Variants in TTLL4 observed in about 807,000 individuals in gnomAD.
TTLL4 encodes the protein tubulin monoglutamylase TTLL4.
Under a neutral mutation model 122.7 loss-of-function variants are expected in TTLL4, and 85 were observed. The ratio of observed to expected loss-of-function variants is 0.69; its 90% CI spans 0.58 to 0.83. TTLL4 has a LOEUF of 0.83. Ranked by LOEUF, TTLL4 falls within the 40% of genes least tolerant of loss-of-function variation. TTLL4 has a pLI of 0.00. For missense variants in TTLL4, 1,363 were observed against 1,488.6 expected, an observed-to-expected ratio of 0.92 and a Z score of 1.39; for synonymous variants, 553 against 563.0, an observed-to-expected ratio of 0.98 and a Z score of 0.25.
intron 1 of TTLL4, among the ~76,000 whole-genome samples, chr2:218,722,942 T>C (rs2106400681): frequency 6.6e-6 from 1 of 152,334 alleles, no homozygotes; most frequent in Non-Finnish European, 1.5e-5. Flanking sequence ...GGAGTTTCTG[T>C]GTTGTATGGA....
chr2:218,734,332 C>G (rs921827682), intron 2 of TTLL4, among the ~76,000 whole-genome samples: 4 of 152,154 alleles, frequency 2.6e-5, no homozygotes, highest in African/African-American at 9.7e-5. Context: ...CTGTGCTTTT[C>G]CAGTTTGTTT....
At chr2:218,759,442 A>G (rs1943201999), downstream of TTLL4, among the ~76,000 whole-genome samples, 1 of 152,212 alleles carries the variant, frequency 6.6e-6, no homozygotes, top group South Asian at 2.1e-4. Context: ...AACACCATGG[A>G]TGAAGCTAAG....
chr2:218,730,038 C>G (rs1942322181), intron 2 of TTLL4, among the ~76,000 whole-genome samples: 1 of 152,058 alleles, frequency 6.6e-6, no homozygotes, highest in Non-Finnish European at 1.5e-5. Context: ...GCCAATGTGC[C>G]CAGCCAGGAT....
intron 1 of TTLL4, among the ~76,000 whole-genome samples, chr2:218,720,145 A>G (rs1941989182): frequency 6.6e-6 from 1 of 152,240 alleles, no homozygotes; most frequent in African/African-American, 2.4e-5. Flanking sequence ...GTGGTTGGAC[A>G]TGCATTTGGA....
At chr2:218,731,759 T>C (rs1942388501) in intron 2 of TTLL4, among the ~76,000 whole-genome samples, 1 of 152,184 alleles carries the variant, frequency 6.6e-6, no homozygotes, top group South Asian at 2.1e-4. Flanking sequence ...GGTTTCAGAG[T>C]TGCATGTGAT....
At chr2:218,727,871 CTGTT>C (rs1179325627) in intron 2 of TTLL4, among the ~76,000 whole-genome samples, 24 of 152,290 alleles carry the variant, frequency 1.6e-4, no homozygotes, top group African/African-American at 5.1e-4. Flanking sequence ...TCATAGTTCT[CTGTT>C]TGCTGTTATT....
chr2:218,746,247 G>A lies in TTLL4; in HGVS notation c.1974+16G>A. 2 of 1,613,948 alleles carry A rather than the reference G, an allele frequency of 1.2e-6. No homozygotes were observed. The highest frequency in any genetic ancestry group is 1.1e-5 in the South Asian group (1 of 91,056). ...GCATCAGAAGGTAGGGGTCCTTTCT[G>A]AGGAGCTGTTTCCCTGGACTTTGGA... On this transcript the variant is annotated intron_variant, in intron 8 of 19. Transcript: ENST00000392102.
Position 218,744,978 on chromosome 2 carries a change from A to T in TTLL4, c.1662-131A>T, listed in dbSNP as rs1942800121. 10 of 1,237,850 alleles carry T rather than the reference A, an allele frequency of 8.1e-6. No homozygotes were observed. In the South Asian group the frequency reaches 1.5e-4, roughly 19 times the overall value. The allele number at this position is 1,237,850 out of a possible 1,614,324, so 76.7% of individuals were successfully genotyped here. On this transcript the variant is annotated intron_variant, in intron 5 of 19. Coordinates refer to ENST00000392102, the MANE Select transcript of TTLL4 (RefSeq NM_014640.5). ...AATATGTACAAAATAATTATTAATT[A>T]TTGAGCACCTGGCTTTTTAGAATCA...
chr2:218,745,339 G>A (rs1193659672), intron 6 of TTLL4, 106 bp downstream of exon 6: 16 of 1,452,338 alleles, frequency 1.1e-5, no homozygotes, highest in Admixed American at 1.8e-5. Context: ...CAGAATGGCT[G>A]TTGTGGCAGT....
At chr2:218,743,297 A>G (rs764272400) in intron 5 of TTLL4, among the ~76,000 whole-genome samples, 3 of 152,228 alleles carry the variant, frequency 2.0e-5, no homozygotes, top group Non-Finnish European at 4.4e-5. Flanking sequence ...TCACAGCAGT[A>G]TGTCACCTTT....
chr2:218,720,259 T>C (rs1352462602), intron 1 of TTLL4, among the ~76,000 whole-genome samples: 1 of 151,858 alleles, frequency 6.6e-6, no homozygotes, highest in African/African-American at 2.4e-5. Flanking sequence ...AGAGATTGAT[T>C]TGATGTGGGG....
At chr2:218,730,962 A>G (rs1942363946) in intron 2 of TTLL4, among the ~76,000 whole-genome samples, 1 of 152,074 alleles carries the variant, frequency 6.6e-6, no homozygotes, top group South Asian at 2.1e-4. Context: ...AAAGTAAAAA[A>G]TTAGCTAGGC....
intron 19 of TTLL4, 31 bp from the exon 20 acceptor site, chr2:218,754,103 A>G (rs1029209597): frequency 4.3e-5 from 69 of 1,613,306 alleles, no homozygotes; most frequent in Non-Finnish European, 5.4e-5. Context: ...ACAGTGTCTC[A>G]GTCATTTCTT....
chr2:218,745,413 C>T, intron 6 of TTLL4, 180 bp downstream of exon 6: 1 of 762,346 alleles, frequency 1.3e-6, no homozygotes, highest in Non-Finnish European at 2.1e-6. Context: ...CTTGTCTGTC[C>T]TTTAGCTGAC....
In TTLL4 at chr2:218,737,786, C is replaced by T. The variant is rs750503144; in HGVS notation, c.110C>T (p.Ser37Leu). 2.0e-5 allele frequency: 32 copies of T among 1,613,918 alleles called. No homozygotes were observed. Among genetic ancestry groups the T allele is most frequent in the Middle Eastern group, 1.6e-4 (1 of 6,084 alleles). ...TVPATPPEKP[S>L]EGRVWPQAHQ... is the part of the protein sequence containing the mutation. Reference sequence around the variant, plus strand: ...CCTGCCACGCCACCTGAGAAACCCTCGGAGGGCAGAGTCTGGCCTCAGGCC... The same window carrying T: ...CCTGCCACGCCACCTGAGAAACCCTTGGAGGGCAGAGTCTGGCCTCAGGCC... The change falls in exon 3 of 20, where the codon TCG (serine) becomes TTG (leucine). Residue 37 changes from serine to leucine, a missense_variant. Physicochemically the swap from Ser to Leu is moderately radical, Grantham distance 145. This residue lies in a region of TTLL4 where 760 missense variants were observed against 808.4 expected (regional missense o/e 0.94). Coordinates refer to ENST00000392102, the MANE Select transcript of TTLL4 (RefSeq NM_014640.5).
At chr2:218,748,602 C>T in intron 12 of TTLL4, 1 of 443,158 alleles carries the variant, frequency 2.3e-6, no homozygotes, top group Non-Finnish European at 3.9e-6. Context: ...TTGCAGTGAG[C>T]TGAGATCGCG....
chr2:218,711,086 G>C (rs1418635949), intron 1 of TTLL4, 49 bp downstream of exon 1: 1 of 152,450 alleles, frequency 6.6e-6, no homozygotes, highest in African/African-American at 2.4e-5. Context: ...CACTCCGCCG[G>C]TCCCACGCTC....
chr2:218,738,680 G>A lies in TTLL4; in HGVS notation c.1004G>A (p.Arg335Gln), dbSNP rs776939840. 1.1e-5 allele frequency: 18 copies of A among 1,614,088 alleles called. No individual in the cohort carries two copies. Among genetic ancestry groups the A allele is most frequent in the South Asian group, 3.3e-5 (3 of 91,086 alleles). ...TCCCAGGATCCAACTAAGGAGATTC[G>A]GTTCACTGAGGCCGTGAGGAAATTG... ...SDSQDPTKEI[R>Q]FTEAVRKLTA... Residue 335 changes from arginine to glutamine, a missense_variant, in exon 3 of 20, where the codon CGG becomes CAG. Arg to Gln is a conservative substitution (Grantham distance 43). Coordinates refer to ENST00000392102, the MANE Select transcript of TTLL4 (RefSeq NM_014640.5).
At chr2:218,746,057 C>A in intron 7 of TTLL4, 98 bp from the exon 8 acceptor site, 1 of 1,449,358 alleles carries the variant, frequency 6.9e-7, no homozygotes, top group Non-Finnish European at 9.7e-7. Flanking sequence ...CTTTGAAAAC[C>A]AAGTCTGGGA....
Sources: allele counts gnomAD v4.1 joint callset (sites outside exome capture counted in the v4.1 genomes callset), GRCh38; gene constraint gnomAD v4.1.1; regional missense constraint gnomAD v4.1.1; transcripts MANE v1.5; gene names NCBI Gene and HGNC (gene_info 2026-07-23, HGNC 2026-07-21).